The following KIF7 variants were observed in gnomAD, a reference collection of about 807,000 sequenced individuals.
KIF7 encodes the protein kinesin family member 7.
KIF7 carries 104 observed loss-of-function variants against 135.7 expected under a neutral mutation model. The ratio of observed to expected loss-of-function variants is 0.77; its 90% CI spans 0.65 to 0.90. The LOEUF (loss-of-function observed/expected upper bound fraction) is 0.90, where lower values mean the gene tolerates loss of function less well. KIF7 is among the 40% of genes least tolerant of loss of function. The probability of loss-of-function intolerance (pLI) is 0.00; values close to 1 mark genes in which losing one functional copy is unlikely to be tolerated. For missense variants in KIF7, 2,005 were observed against 1,839.1 expected (o/e 1.09, Z -1.65); for synonymous variants, 883 against 809.4 (o/e 1.09, Z -1.54).
intron 12 of KIF7, 102 bp from the exon 13 acceptor site, chr15:89,633,368 G>C: frequency 1.4e-6 from 2 of 1,466,940 alleles, no homozygotes; most frequent in Non-Finnish European, 1.8e-6. Context: ...CCACTCCCAA[G>C]AGGGCCCTGC....
chr15:89,644,977 C>G, intron 10 of KIF7, 36 bp downstream of exon 10: 4 of 1,604,570 alleles, frequency 2.5e-6, no homozygotes, highest in Non-Finnish European at 3.4e-6. Flanking sequence ...AGAAGTCCCC[C>G]TCGGGTGAGA....
chr15:89,650,838 A>C (rs999162545), intron 2 of KIF7, among the ~76,000 whole-genome samples: 6 of 151,956 alleles, frequency 3.9e-5, no homozygotes, highest in African/African-American at 1.5e-4. Context: ...AGCCTCCCAA[A>C]GTGATGGGAT....
intron 11 of KIF7, among the ~76,000 whole-genome samples, chr15:89,640,190 C>T (rs908882217): frequency 1.6e-4 from 25 of 151,884 alleles, no homozygotes; most frequent in African/African-American, 6.0e-4. Flanking sequence ...ATACCTAATG[C>T]TAGATGACGA....
upstream of KIF7, among the ~76,000 whole-genome samples, chr15:89,656,538 T>C (rs1180563988): frequency 2.0e-5 from 3 of 152,126 alleles, no homozygotes; most frequent in Non-Finnish European, 4.4e-5. Flanking sequence ...GGGATGGAAC[T>C]ACCATGATTG....
chr15:89,619,631 G>C, intron 1 of KIF7: 1 of 1,502,270 alleles, frequency 6.7e-7, no homozygotes, highest in East Asian at 2.3e-5. Context: ...TGTAAATTTT[G>C]CCCGGTTTTG....
At chr15:89,655,729 GTC>G (rs897386481), upstream of KIF7, among the ~76,000 whole-genome samples, 1 of 152,108 alleles carries the variant, frequency 6.6e-6, no homozygotes, top group African/African-American at 2.4e-5. Context: ...TTCATCCCCG[GTC>G]TCTGTTTTCC....
chr15:89,647,506 T>C, intron 6 of KIF7, 90 bp downstream of exon 6: 1 of 1,167,978 alleles, frequency 8.6e-7, no homozygotes, highest in South Asian at 1.2e-5. Context: ...TACCCTACCC[T>C]AACTCCCTCC....
chr15:89,651,981 A>C (rs1018926460), intron 2 of KIF7, among the ~76,000 whole-genome samples: 1 of 152,200 alleles, frequency 6.6e-6, no homozygotes, highest in African/African-American at 2.4e-5. Flanking sequence ...TGGTGCCTTC[A>C]TCTTAAACTT....
chr15:89,646,088 T>G, intron 7 of KIF7, 62 bp from the exon 8 acceptor site: 6 of 1,601,148 alleles, frequency 3.7e-6, no homozygotes, highest in Non-Finnish European at 5.1e-6. Flanking sequence ...CCACCTTGCC[T>G]GCCCTCCTCA....
chr15:89,629,575 T>C lies in KIF7; in HGVS notation c.3319-2A>G. On this transcript the variant is annotated splice_acceptor_variant, in intron 16 of 18. Transcript: ENST00000394412. LOFTEE classifies it high-confidence loss of function. Reference sequence around the variant, plus strand: ...CTGCTCCTCTCGGAGCGTCACCACCTGTCCCAAGACCCAGCCAGGCTCAGC... The same window carrying C: ...CTGCTCCTCTCGGAGCGTCACCACCCGTCCCAAGACCCAGCCAGGCTCAGC... 1.9e-6 allele frequency: 3 copies of C among 1,605,004 alleles called. No individual in the cohort carries two copies. Among genetic ancestry groups the C allele is most frequent in the Non-Finnish European group, 2.5e-6 (3 of 1,179,972 alleles).
In KIF7 at chr15:89,642,445, C is replaced by G. The variant is rs759022645; in HGVS notation, c.2192-40G>C. ...GAATGTCAGCACAGGCAGCCCTGCT[C>G]CACCGAGAGGGCCAGCTGTTTGTCC... is the stretch of plus-strand genomic sequence containing the variant. On this transcript the variant is annotated intron_variant, in intron 10 of 18. Coordinates refer to ENST00000394412, the MANE Select transcript of KIF7 (RefSeq NM_198525.3). The G allele has an allele frequency of 4.6e-6, 7 of 1,516,426 alleles. No homozygotes were observed. The Admixed American group carries it at 5.9e-5, about 13-fold the overall frequency. The allele number at this position is 1,516,426 out of a possible 1,614,324, so 93.9% of individuals were successfully genotyped here. A position where few individuals can be genotyped will look rare whatever the true frequency, so the allele number is the denominator to read the frequency against.
intron 5 of KIF7, 51 bp from the exon 6 acceptor site, chr15:89,647,763 G>A: frequency 1.5e-6 from 2 of 1,335,270 alleles, no homozygotes; most frequent in African/African-American, 1.4e-5. Context: ...AGGGCGAGCT[G>A]GACACCCGGC....
rs1369056743 is a variant in KIF7, at chr15:89,648,360, G to A, written c.1338C>T (p.Ala446=). The change falls in exon 5 of 19, where the codon GCC becomes GCT. Residue 446 remains alanine, a synonymous_variant. Coordinates refer to ENST00000394412, the MANE Select transcript of KIF7 (RefSeq NM_198525.3). ...TCAGGGCGCTGCGCTCGCCCTCGAC[G>A]GCGCACAGCCAGTCGCGCACCTTGC... The part of the protein sequence containing the change: ...AARKVRDWLC[A]VEGERSALSS... 1.1e-5 allele frequency: 15 copies of A among 1,409,168 alleles called. No individual in the cohort carries two copies. The highest frequency in any genetic ancestry group is 1.5e-5 in the African/African-American group (1 of 66,212). 87.3% of individuals were successfully genotyped at this position (1,409,168 alleles called of 1,614,324 possible).
At chr15:89,619,765 C>T (rs532159490) in intron 1 of KIF7, 1 of 1,614,004 alleles carries the variant, frequency 6.2e-7, no homozygotes, top group East Asian at 2.2e-5. Flanking sequence ...AGGACACATT[C>T]TGCCTCCTTC....
At chr15:89,619,504 G>GT (rs1270614659) in intron 1 of KIF7, among the ~76,000 whole-genome samples, 1 of 152,040 alleles carries the variant, frequency 6.6e-6, no homozygotes, top group East Asian at 1.9e-4. Context: ...GTGGGTCAGT[G>GT]TTTTTTTAAT....
intron 11 of KIF7, among the ~76,000 whole-genome samples, chr15:89,635,636 A>G (rs987097619): frequency 7.9e-5 from 12 of 152,200 alleles, no homozygotes; most frequent in African/African-American, 2.9e-4. Context: ...AAAAAAGAAT[A>G]AAAAGAAATG....
At chr15:89,625,414 A>C, downstream of KIF7, 1 of 1,613,970 alleles carries the variant, frequency 6.2e-7, no homozygotes, top group African/African-American at 1.3e-5. Context: ...CTCTTCCGGG[A>C]GGGGCGAGGT....
rs1275528869 is a variant in KIF7 at position 89,628,418 on chromosome 15, C to T, written c.*1G>A. On this transcript the variant is annotated 3_prime_UTR_variant, in exon 19 of 19. Transcript: ENST00000394412. ...TCCAAGGCAGGGTCTGCCCCGAGGG[C>T]TTACAGGGGGTTTTTCCGGACATCA... 6.2e-7 allele frequency: 1 copy of T among 1,604,006 alleles called. No individual in the cohort carries two copies. Among genetic ancestry groups the T allele is most frequent in the Non-Finnish European group, 8.5e-7 (1 of 1,175,130 alleles).
chr15:89,644,667 G>A (rs538546360), intron 10 of KIF7, among the ~76,000 whole-genome samples: 8 of 152,052 alleles, frequency 5.3e-5, no homozygotes, highest in Non-Finnish European at 1.2e-4. Flanking sequence ...CCTGGGTGAC[G>A]AGTGAAACTC....
Sources: allele counts gnomAD v4.1 joint callset (sites outside exome capture counted in the v4.1 genomes callset), GRCh38; gene constraint gnomAD v4.1.1; transcripts MANE v1.5; gene names NCBI Gene and HGNC (gene_info 2026-07-23, HGNC 2026-07-21).